The following MED15 variants were observed in gnomAD, a reference collection of about 807,000 sequenced individuals.
MED15 encodes the protein mediator of RNA polymerase II transcription subunit 15.
A neutral mutation model predicts 118.7 loss-of-function variants in MED15; 41 were observed. The ratio of observed to expected loss-of-function variants is 0.35; its 90% CI spans 0.27 to 0.45. MED15 has a LOEUF of 0.45. Ranked by LOEUF, MED15 falls within the 20% of genes least tolerant of loss-of-function variation. The pLI, the probability that MED15 is intolerant of heterozygous loss-of-function variation, is 1.00. For synonymous variants in MED15, 436 were observed against 413.9 expected, an observed-to-expected ratio of 1.05 and a Z score of -0.65; for missense variants, 740 against 1,025.5, an observed-to-expected ratio of 0.72 and a Z score of 3.80.
chr22:20,516,445 C>T (rs886453460), intron 1 of MED15, among the ~76,000 whole-genome samples: 4 of 152,124 alleles, frequency 2.6e-5, no homozygotes, highest in African/African-American at 9.7e-5. Flanking sequence ...GAGGAAGAGC[C>T]AGCCAGCAAG....
intron 1 of MED15, among the ~76,000 whole-genome samples, chr22:20,520,175 T>G (rs547019762): frequency 1.2e-4 from 18 of 152,266 alleles, no homozygotes; most frequent in East Asian, 5.8e-4. Context: ...ACCCCTTGCT[T>G]CTTCTTATGT....
chr22:20,523,950 T>C, intron 1 of MED15: 1 of 587,178 alleles, frequency 1.7e-6, no homozygotes, highest in Non-Finnish European at 2.1e-6. Flanking sequence ...GGGTGTACAG[T>C]GTTTGAAGTC....
chr22:20,527,639 G>C (rs528404024), intron 1 of MED15, among the ~76,000 whole-genome samples: 1 of 151,994 alleles, frequency 6.6e-6, no homozygotes, highest in East Asian at 1.9e-4. Flanking sequence ...ATGGGATCTT[G>C]TGATGTTGCC....
At chr22:20,550,906 G>T in intron 2 of MED15, 1 of 350,128 alleles carries the variant, frequency 2.9e-6, no homozygotes, top group South Asian at 2.2e-5. Context: ...AAATGGAGAT[G>T]AACACAGATT....
rs980615725 is a variant in MED15 at position 20,528,464 on chromosome 22, G to T, written c.69-8653G>T. Among the ~76,000 whole-genome samples the T allele has an allele frequency of 3.9e-5, 6 of 152,172 alleles. No homozygotes were observed. The East Asian group carries it at 1.2e-3, about 29-fold the overall frequency. ...CCCTCACATGCACAGTTTACAGTGG[G>T]GTTCGTGCTCCTATGAGAATCTGAT... On this transcript the variant is annotated intron_variant, in intron 1 of 17. Coordinates refer to ENST00000263205, the MANE Select transcript of MED15 (RefSeq NM_001003891.3).
chr22:20,562,362 AAATTT>A (rs2146569098), intron 5 of MED15, among the ~76,000 whole-genome samples: 1 of 152,210 alleles, frequency 6.6e-6, no homozygotes, highest in South Asian at 2.1e-4. Flanking sequence ...CAATTTCAGA[AAATTT>A]AAAAGTATTG....
intron 8 of MED15, chr22:20,574,614 G>C (rs1286610182): frequency 1.3e-5 from 2 of 153,752 alleles, no homozygotes; most frequent in Admixed American, 1.3e-4. Flanking sequence ...GCTGTAAGAG[G>C]TGTGCCACTG....
chr22:20,585,088 G>T lies in MED15; in HGVS notation c.1965-13G>T. The T allele has an allele frequency of 6.2e-7, 1 of 1,613,430 alleles. No homozygotes were observed. The highest frequency in any genetic ancestry group is 1.1e-5 in the South Asian group (1 of 91,074). ...CGCGTGTGCCAGGTGTGGTCACCATGCCGCCTCCCCAGGGCCCCAGTGGTG... is the reference window on the plus strand; with the variant it reads ...CGCGTGTGCCAGGTGTGGTCACCATTCCGCCTCCCCAGGGCCCCAGTGGTG... On this transcript the variant is annotated splice_polypyrimidine_tract_variant and intron_variant, in intron 15 of 17. Coordinates refer to ENST00000263205, the MANE Select transcript of MED15 (RefSeq NM_001003891.3).
intron 2 of MED15, among the ~76,000 whole-genome samples, chr22:20,542,742 A>C (rs2055360586): frequency 6.6e-6 from 1 of 152,212 alleles, no homozygotes; most frequent in Admixed American, 6.5e-5. Context: ...TTCTACTCCA[A>C]GCTGGCAGTG....
At chr22:20,546,305 A>G (rs1198951902) in intron 2 of MED15, among the ~76,000 whole-genome samples, 1 of 152,128 alleles carries the variant, frequency 6.6e-6, no homozygotes, top group Non-Finnish European at 1.5e-5. Flanking sequence ...GTGGTCTTTT[A>G]GCAAAAATAT....
At chr22:20,545,804 T>G (rs2055511455) in intron 2 of MED15, among the ~76,000 whole-genome samples, 1 of 152,136 alleles carries the variant, frequency 6.6e-6, no homozygotes, top group Non-Finnish European at 1.5e-5. Flanking sequence ...ATGGAACCAC[T>G]CTTTCTGGAA....
At chr22:20,532,112 A>G (rs954601912) in intron 1 of MED15, among the ~76,000 whole-genome samples, 1 of 152,194 alleles carries the variant, frequency 6.6e-6, no homozygotes, top group Admixed American at 6.5e-5. Flanking sequence ...GCTCACTGGC[A>G]GTCATGTGAC....
At position 20,583,399 on chromosome 22, in the gene MED15, C is replaced by G; in HGVS notation, c.1736+6C>G. ...CTGACAGACCCCTCGAAGCGGTGAG[C>G]TTTGCCCACAGCCCACGGAGGGTCC... On this transcript the variant is annotated splice_donor_region_variant and intron_variant, in intron 13 of 17. Transcript: ENST00000263205. The G allele has an allele frequency of 3.1e-6, 5 of 1,611,658 alleles. No individual in the cohort carries two copies. The highest frequency in any genetic ancestry group is 4.2e-6 in the Non-Finnish European group (5 of 1,180,004).
chr22:20,586,925 A>C lies in MED15; in HGVS notation c.*221A>C, dbSNP rs1229527298. On this transcript the variant is annotated 3_prime_UTR_variant, in exon 18 of 18. Transcript: ENST00000263205. Reference sequence around the variant, plus strand: ...CTTGGGGGGCGTTGGCCGACTTCTTAGAGAAGGCCCTCCATGTGACTTCCT... The same window carrying C: ...CTTGGGGGGCGTTGGCCGACTTCTTCGAGAAGGCCCTCCATGTGACTTCCT... 1 of 643,208 alleles carries C rather than the reference A, an allele frequency of 1.6e-6. No homozygotes were observed. Among genetic ancestry groups the C allele is most frequent in the Non-Finnish European group, 2.6e-6 (1 of 385,480 alleles). The allele number at this position is 643,208 out of a possible 1,614,324, so 39.8% of individuals were successfully genotyped here.
chr22:20,512,978 G>A (rs165687), intron 1 of MED15, among the ~76,000 whole-genome samples: 103,322 of 151,582 alleles, frequency 0.68, 36,240 homozygotes, highest in Admixed American at 0.79. Flanking sequence ...CTGACCTCGT[G>A]ATCCACCCGC....
intron 1 of MED15, among the ~76,000 whole-genome samples, chr22:20,530,546 T>C (rs533454826): frequency 9.4e-4 from 143 of 151,850 alleles, no homozygotes; most frequent in African/African-American, 3.5e-3. Context: ...GGGAAAGCAG[T>C]TGGACCAGGG....
intron 9 of MED15, among the ~76,000 whole-genome samples, chr22:20,576,690 T>G (rs545023116): frequency 6.9e-6 from 1 of 144,082 alleles, no homozygotes; most frequent in East Asian, 2.0e-4. Flanking sequence ...GGAGCGGAAG[T>G]TGGGGGTCAG....
intron 16 of MED15, 162 bp from the exon 17 acceptor site, chr22:20,585,566 G>T (rs2057109566): frequency 2.7e-6 from 2 of 733,848 alleles, no homozygotes; most frequent in Admixed American, 4.6e-5. Context: ...AGCACTCCAG[G>T]CTTCACGTTT....
intron 1 of MED15, among the ~76,000 whole-genome samples, chr22:20,532,571 G>GGA (rs1441234065): frequency 6.6e-6 from 1 of 152,194 alleles, no homozygotes; most frequent in African/African-American, 2.4e-5. Flanking sequence ...GCAGAGCATT[G>GGA]GAGCCCAGTT....
Sources: allele counts gnomAD v4.1 joint callset (sites outside exome capture counted in the v4.1 genomes callset), GRCh38; gene constraint gnomAD v4.1.1; transcripts MANE v1.5; gene names NCBI Gene and HGNC (gene_info 2026-07-23, HGNC 2026-07-21).